MPP3: variants seen among roughly 807,000 people sequenced by gnomAD.
The protein encoded by MPP3 is MAGUK p55 scaffold protein 3.
MPP3 carries 48 observed loss-of-function variants against 80.7 expected under a neutral mutation model. That is an observed-to-expected ratio of 0.59 (90% CI 0.47 to 0.76). MPP3 has a LOEUF of 0.76. Among genes scored for constraint, MPP3 ranks in the 30% least tolerant of loss-of-function variants. MPP3 has a pLI of 0.00. For missense variants in MPP3, 620 were observed against 763.0 expected, an observed-to-expected ratio of 0.81 and a Z score of 2.21; for synonymous variants, 311 against 297.6, an observed-to-expected ratio of 1.04 and a Z score of -0.46.
At chr17:43,805,301 A>T (rs1465759994) in intron 19 of MPP3, among the ~76,000 whole-genome samples, 1 of 152,256 alleles carries the variant, frequency 6.6e-6, no homozygotes, top group African/African-American at 2.4e-5. Flanking sequence ...TAGTGCTATG[A>T]TTAAAAAGAC....
intron 19 of MPP3, among the ~76,000 whole-genome samples, chr17:43,802,624 T>TTA (rs2044456729): frequency 6.6e-6 from 1 of 152,202 alleles, no homozygotes; most frequent in African/African-American, 2.4e-5. Context: ...GAACCTCTAA[T>TTA]AAGTATTATT....
chr17:43,831,136 T>G, intron 5 of MPP3, 108 bp downstream of exon 5: 1 of 1,006,160 alleles, frequency 9.9e-7, no homozygotes, highest in African/African-American at 1.6e-5. Flanking sequence ...TCTTCACCTT[T>G]GGGCTCCTGA....
chr17:43,830,172 C>T, intron 5 of MPP3, 65 bp from the exon 6 acceptor site: 6 of 1,282,116 alleles, frequency 4.7e-6, no homozygotes, highest in Non-Finnish European at 4.2e-6. Flanking sequence ...CTGCTGGGTC[C>T]TTCCTCTTTG....
chr17:43,832,028 T>A, intron 2 of MPP3, 85 bp from the exon 3 acceptor site: 2 of 856,496 alleles, frequency 2.3e-6, no homozygotes, highest in Non-Finnish European at 3.9e-6. Context: ...CTGTGTTCTC[T>A]GAGACCAGGC....
At chr17:43,802,738 C>A (rs1422117457) in intron 19 of MPP3, among the ~76,000 whole-genome samples, 2 of 152,218 alleles carry the variant, frequency 1.3e-5, no homozygotes, top group Admixed American at 6.5e-5. Context: ...CTGGCATTCA[C>A]TCACTGCCCT....
chr17:43,806,885 G>T (rs2044639869), intron 19 of MPP3, among the ~76,000 whole-genome samples: 1 of 152,174 alleles, frequency 6.6e-6, no homozygotes, highest in Non-Finnish European at 1.5e-5. Flanking sequence ...TGGGATTACA[G>T]GTGTGAGCCA....
chr17:43,817,336 T>C (rs1368183740), intron 12 of MPP3, among the ~76,000 whole-genome samples: 1 of 152,200 alleles, frequency 6.6e-6, no homozygotes, highest in African/African-American at 2.4e-5. Context: ...TTAGAAAAGA[T>C]AGCTGACTCT....
chr17:43,814,315 A>C lies in MPP3; in HGVS notation c.1056T>G (p.Gly352=), dbSNP rs2045010985. The change falls in exon 15 of 20, where the codon GGT becomes GGG. Residue 352 remains glycine, a synonymous_variant. Coordinates refer to ENST00000398389, the MANE Select transcript of MPP3 (RefSeq NM_001932.6). The part of the protein sequence containing the change: ...SFRLGCRERL[G]GSQEGKMSSG... ...AGGACATCTTTCCTTCCTGCGAGCC[A>C]CCCAGTCTCTCCCTACAGCCCAGCC... 4 of 1,610,774 alleles carry C rather than the reference A, an allele frequency of 2.5e-6. No individual in the cohort carries two copies. The highest frequency in any genetic ancestry group is 3.4e-6 in the Non-Finnish European group (4 of 1,179,920).
In MPP3 at chr17:43,814,108, A is replaced by C. The variant is rs763331856; in HGVS notation, c.1175-17T>G. ...CCAGAGACCCTGGGAAACAAGAAGA[A>C]GGCTGACCAGGGTCCCTGCTGAGCT... is the stretch of plus-strand genomic sequence containing the variant. On this transcript the variant is annotated splice_polypyrimidine_tract_variant and intron_variant, in intron 15 of 19. Coordinates refer to ENST00000398389, the MANE Select transcript of MPP3 (RefSeq NM_001932.6). 37 of 1,607,452 alleles carry C rather than the reference A, an allele frequency of 2.3e-5. No individual in the cohort carries two copies. In the Admixed American group the frequency reaches 4.5e-4, roughly 20 times the overall value.
intron 19 of MPP3, among the ~76,000 whole-genome samples, chr17:43,806,070 A>C (rs1246161437): frequency 6.6e-6 from 1 of 152,222 alleles, no homozygotes; most frequent in Non-Finnish European, 1.5e-5. Flanking sequence ...GTGTAACACA[A>C]AATTAGAATC....
rs1370062319 is a variant in MPP3, at chr17:43,825,786, G to A, written c.579C>T (p.His193=). 11 of 1,613,354 alleles carry A rather than the reference G, an allele frequency of 6.8e-6. No individual in the cohort carries two copies. The highest frequency in any genetic ancestry group is 9.3e-6 in the Non-Finnish European group (11 of 1,179,356). Residue 193 remains histidine, a synonymous_variant, in exon 9 of 20, where the codon CAC becomes CAT. Transcript: ENST00000398389. ...LREVNGIAVL[H]KRPDEISQIL... ...TCTGGCTGATCTCGTCGGGCCGCTT[G>A]TGCAGGACTGCGATCCCGTTCACTT...
At chr17:43,812,724 T>C (rs1295930573) in intron 16 of MPP3, among the ~76,000 whole-genome samples, 1 of 152,176 alleles carries the variant, frequency 6.6e-6, no homozygotes, top group African/African-American at 2.4e-5. Flanking sequence ...GGCCTGACCA[T>C]CCAGGTACCT....
intron 19 of MPP3, among the ~76,000 whole-genome samples, chr17:43,805,924 A>G (rs2044594592): frequency 6.6e-6 from 1 of 152,226 alleles, no homozygotes; most frequent in African/African-American, 2.4e-5. Flanking sequence ...TAAATGTGTG[A>G]ATTGTACAGT....
chr17:43,812,102 G>T (rs964725750), intron 16 of MPP3, among the ~76,000 whole-genome samples: 1 of 152,224 alleles, frequency 6.6e-6, no homozygotes, highest in Admixed American at 6.5e-5. Context: ...TTTCAGCAAG[G>T]CTGGCTCTCA....
chr17:43,832,158 G>T, intron 2 of MPP3: 1 of 544,494 alleles, frequency 1.8e-6, no homozygotes, highest in Non-Finnish European at 3.2e-6. Flanking sequence ...TGATTTCTAT[G>T]ATAAACTTTT....
intron 19 of MPP3, among the ~76,000 whole-genome samples, chr17:43,806,574 C>A (rs2154591125): frequency 6.6e-6 from 1 of 152,212 alleles, no homozygotes; most frequent in Admixed American, 6.5e-5. Flanking sequence ...TAGGTTGTCT[C>A]TGATTTTTTT....
rs371566207 is a variant in MPP3, at chr17:43,814,309, C to A, written c.1062G>T (p.Ser354=). 19 of 1,611,282 alleles carry A rather than the reference C, an allele frequency of 1.2e-5. No individual in the cohort carries two copies. Among genetic ancestry groups the A allele is most frequent in the Middle Eastern group, 3.3e-4 (2 of 6,080 alleles). Residue 354 remains serine (S), a synonymous_variant, in exon 15 of 20, where the codon TCG becomes TCT. Transcript: ENST00000398389. ...RLGCRERLGG[S]QEGKMSSGAE... ...CTCCGGAGGACATCTTTCCTTCCTGCGAGCCACCCAGTCTCTCCCTACAGC... is the reference window on the plus strand; with the variant it reads ...CTCCGGAGGACATCTTTCCTTCCTGAGAGCCACCCAGTCTCTCCCTACAGC...
Position 43,831,625 on chromosome 17 carries a change from GTT to G in MPP3, c.76_77del (p.Asn26ProfsTer14). 1 of 1,613,928 alleles carries G rather than the reference GTT, an allele frequency of 6.2e-7. No individual in the cohort carries two copies. On this transcript the variant is annotated frameshift_variant, in exon 4 of 20. Coordinates refer to ENST00000398389, the MANE Select transcript of MPP3 (RefSeq NM_001932.6). LOFTEE classifies it high-confidence loss of function. ...LLTSQLRPDS[N>X]HKEEMGFLRD... is the part of the protein sequence containing the mutation. ...TCAGGAAGCCCATCTCCTCCTTGTGGTTGGAGTCAGGTCTGAGCTGGGAGGTC... is the reference window on the plus strand; with the variant it reads ...TCAGGAAGCCCATCTCCTCCTTGTGGGGAGTCAGGTCTGAGCTGGGAGGTC...
At chr17:43,805,614 C>A (rs1479282629) in intron 19 of MPP3, among the ~76,000 whole-genome samples, 1 of 151,562 alleles carries the variant, frequency 6.6e-6, no homozygotes, top group East Asian at 1.9e-4. Flanking sequence ...GTTATTCAGC[C>A]ATAAAAAAAG....
Sources: allele counts gnomAD v4.1 joint callset (sites outside exome capture counted in the v4.1 genomes callset), GRCh38; gene constraint gnomAD v4.1.1; transcripts MANE v1.5; gene names NCBI Gene and HGNC (gene_info 2026-07-23, HGNC 2026-07-21).